PRKG1: variants seen among roughly 807,000 people sequenced by gnomAD.
The protein encoded by PRKG1 is cGMP-dependent protein kinase 1.
A neutral mutation model predicts 88.1 loss-of-function variants in PRKG1; 35 were observed. That is an observed-to-expected ratio of 0.40 (90% CI 0.30 to 0.53). The LOEUF (loss-of-function observed/expected upper bound fraction) is 0.53. Ranked by LOEUF, PRKG1 falls within the 20% of genes least tolerant of loss-of-function variation. The pLI, the probability that PRKG1 is intolerant of heterozygous loss-of-function variation, is 0.59. For missense variants in PRKG1, 540 were observed against 839.8 expected, an observed-to-expected ratio of 0.64 and a Z score of 4.41; for synonymous variants, 303 against 292.5, an observed-to-expected ratio of 1.04 and a Z score of -0.37.
intron 2 of PRKG1, among the ~76,000 whole-genome samples, chr10:51,377,239 C>A (rs1238227201): frequency 2.0e-5 from 3 of 152,202 alleles, no homozygotes; most frequent in African/African-American, 7.2e-5. Context: ...ACAACTAATT[C>A]TATTTCTTGC....
intron 2 of PRKG1, among the ~76,000 whole-genome samples, chr10:51,251,450 C>A (rs1027731962): frequency 5.3e-5 from 8 of 151,764 alleles, no homozygotes; most frequent in Admixed American, 3.3e-4. Flanking sequence ...CTTATTGTAT[C>A]TGCCAGGCAC....
At chr10:52,128,064 G>A (rs1837148443) in intron 7 of PRKG1, 1 of 985,044 alleles carries the variant, frequency 1.0e-6, no homozygotes, top group South Asian at 4.7e-5. Flanking sequence ...CTTGTAGTAA[G>A]ATTGCTTTTG....
chr10:51,667,367 T>G (rs576237256), intron 3 of PRKG1, among the ~76,000 whole-genome samples: 1 of 152,286 alleles, frequency 6.6e-6, no homozygotes, highest in South Asian at 2.1e-4. Context: ...AACACTATTT[T>G]TAGATACGTA....
intron 7 of PRKG1, among the ~76,000 whole-genome samples, chr10:52,063,640 G>C (rs907260637): frequency 1.3e-5 from 2 of 152,214 alleles, no homozygotes; most frequent in African/African-American, 4.8e-5. Context: ...AGGACAAAGA[G>C]GAGCTTTATT....
At position 51,835,223 on chromosome 10, in the gene PRKG1, T is replaced by C. The variant is rs1387284751; in HGVS notation, c.698+30533T>C. ...CTCTGGCAAGTGATCTGGCAGGTGG[T>C]ACTTGACAAGCTGGATGGGAAGGAA... On this transcript the variant is annotated intron_variant, in intron 4 of 17. Coordinates refer to ENST00000373980, the MANE Select transcript of PRKG1 (RefSeq NM_006258.4). 2.0e-5 allele frequency among the ~76,000 whole-genome samples: 3 copies of C among 152,206 alleles called. No homozygotes were observed. The East Asian group carries it at 5.8e-4, about 29-fold the overall frequency.
At chr10:52,039,829 C>G (rs1002571594) in intron 5 of PRKG1, among the ~76,000 whole-genome samples, 17 of 152,162 alleles carry the variant, frequency 1.1e-4, no homozygotes, top group Non-Finnish European at 2.1e-4. Flanking sequence ...CTTCCTTTGT[C>G]TCCTAATTTT....
chr10:51,160,842 A>G (rs1846339631), intron 2 of PRKG1, among the ~76,000 whole-genome samples: 1 of 151,536 alleles, frequency 6.6e-6, no homozygotes, highest in Non-Finnish European at 1.5e-5. Context: ...GTATGTTTTT[A>G]AAGAAATCCT....
At chr10:52,133,993 A>G in intron 8 of PRKG1, 88 bp downstream of exon 8, 4 of 967,476 alleles carry the variant, frequency 4.1e-6, no homozygotes, top group Non-Finnish European at 6.4e-6. Flanking sequence ...TTATGGAGCT[A>G]TTAATACTTG....
intron 5 of PRKG1, among the ~76,000 whole-genome samples, chr10:51,918,700 C>G (rs1033909198): frequency 2.6e-5 from 4 of 152,100 alleles, no homozygotes; most frequent in Admixed American, 6.6e-5. Flanking sequence ...TAGTAGCCTG[C>G]CTTCAGCATG....
intron 2 of PRKG1, among the ~76,000 whole-genome samples, chr10:51,360,275 A>G (rs1346370713): frequency 6.6e-6 from 1 of 151,892 alleles, no homozygotes; most frequent in Non-Finnish European, 1.5e-5. Flanking sequence ...TCTGATCTCA[A>G]TTTTGCCTGC....
At chr10:51,633,208 AT>A (rs1839570726) in intron 3 of PRKG1, among the ~76,000 whole-genome samples, 1 of 152,166 alleles carries the variant, frequency 6.6e-6, no homozygotes, top group South Asian at 2.1e-4. Context: ...CCACTCACAT[AT>A]TTTAAAATAA....
chr10:52,017,437 G>A (rs1038630485), intron 5 of PRKG1, among the ~76,000 whole-genome samples: 6 of 152,138 alleles, frequency 3.9e-5, no homozygotes, highest in African/African-American at 1.4e-4. Flanking sequence ...AGTCTTGCTA[G>A]TGAGATGCCA....
At chr10:51,779,288 T>C (rs1006410080) in intron 3 of PRKG1, among the ~76,000 whole-genome samples, 3 of 152,140 alleles carry the variant, frequency 2.0e-5, no homozygotes, top group Non-Finnish European at 2.9e-5. Flanking sequence ...CTTCTGTCTT[T>C]CCTGTCCTTT....
intron 2 of PRKG1, among the ~76,000 whole-genome samples, chr10:51,346,564 T>G (rs1842118191): frequency 6.6e-6 from 1 of 152,224 alleles, no homozygotes; most frequent in Non-Finnish European, 1.5e-5. Flanking sequence ...CTAAAATCAC[T>G]GATTTGAGGG....
intron 2 of PRKG1, among the ~76,000 whole-genome samples, chr10:51,396,487 T>C (rs1285000869): frequency 6.6e-6 from 1 of 152,188 alleles, no homozygotes; most frequent in Non-Finnish European, 1.5e-5. Flanking sequence ...AGAAGTTCCT[T>C]CAAGAGTATT....
chr10:51,709,709 A>T lies in PRKG1; in HGVS notation c.593-94876A>T, dbSNP rs184795254. ...ATGTAGTGGTCTGGAGTTTGCTGCC[A>T]AGTGGTCTGGAGTTTGCTGCCAAGG... On this transcript the variant is annotated intron_variant, in intron 3 of 17. Transcript: ENST00000373980. Among the ~76,000 whole-genome samples the T allele has an allele frequency of 7.5e-3, 979 of 130,268 alleles. 5 individuals carry two copies. Among genetic ancestry groups the T allele is most frequent in the Non-Finnish European group, 0.013 (768 of 57,278 alleles). The allele number at this position is 130,268 out of a possible 152,430, so 85.5% of individuals were successfully genotyped here. A position where few individuals can be genotyped will look rare whatever the true frequency, so the allele number is the denominator to read the frequency against.
intron 2 of PRKG1, among the ~76,000 whole-genome samples, chr10:51,188,810 AGGGCAAAGACCTG>A (rs999733729): frequency 1.3e-5 from 2 of 151,976 alleles, no homozygotes; most frequent in Admixed American, 6.6e-5. Context: ...CCACATTCCA[AGGGCAAAGACCTG>A]GGCCAAATTC....
intron 2 of PRKG1, among the ~76,000 whole-genome samples, chr10:51,409,870 A>AAC (rs1838029143): frequency 6.7e-6 from 1 of 149,680 alleles, no homozygotes; most frequent in African/African-American, 2.5e-5. Context: ...AAAAAAAAAA[A>AAC]GGAGAGTAGT....
chr10:51,481,014 A>G (rs1031592699), intron 3 of PRKG1, among the ~76,000 whole-genome samples: 8 of 152,186 alleles, frequency 5.3e-5, no homozygotes, highest in African/African-American at 1.7e-4. Flanking sequence ...AGCCATACAT[A>G]TAATGTCTGC....
Sources: allele counts gnomAD v4.1 joint callset (sites outside exome capture counted in the v4.1 genomes callset), GRCh38; gene constraint gnomAD v4.1.1; transcripts MANE v1.5; gene names NCBI Gene and HGNC (gene_info 2026-07-23, HGNC 2026-07-21).